The following DISP1 variants were observed in gnomAD, a reference collection of about 807,000 sequenced individuals.
The protein encoded by DISP1 is dispatched RND transporter family member 1, also known as protein dispatched homolog 1.
A neutral mutation model predicts 37.3 loss-of-function variants in DISP1; 30 were observed. That is an observed-to-expected ratio of 0.80 (90% CI 0.60 to 1.09). DISP1 has a LOEUF of 1.09. DISP1 is among the 50% of genes least tolerant of loss of function. The pLI, the probability that DISP1 is intolerant of heterozygous loss-of-function variation, is 0.00. For synonymous variants in DISP1, 634 were observed against 690.2 expected, an observed-to-expected ratio of 0.92 and a Z score of 1.28; for missense variants, 1,598 against 1,879.5, an observed-to-expected ratio of 0.85 and a Z score of 2.77.
intron 2 of DISP1, among the ~76,000 whole-genome samples, chr1:222,940,541 T>G (rs1674305196): frequency 6.6e-6 from 1 of 152,190 alleles, no homozygotes. Context: ...AGTCATTTGT[T>G]GTTATTAGAT....
At position 223,004,889 on chromosome 1, in the gene DISP1, C is replaced by G; in HGVS notation, c.3492C>G (p.Asp1164Glu). Residue 1164 changes from aspartate to glutamate, a missense_variant, in exon 9 of 9, where the codon GAC (aspartate) becomes GAG (glutamate). Transcript: ENST00000675850. The surrounding 1 kb of genome is among the most constrained non-coding windows in gnomAD (Gnocchi z 4.9). ...ATGCCTTGTCTACAAGTCCCAGTGACAAGGGACAAAGCAAAACACATACCA... is the reference window on the plus strand; with the variant it reads ...ATGCCTTGTCTACAAGTCCCAGTGAGAAGGGACAAAGCAAAACACATACCA... Reference protein sequence around the residue: ...FSHALSTSPSDKGQSKTHTIN... With the variant: ...FSHALSTSPSEKGQSKTHTIN... 1 of 1,609,262 alleles carries G rather than the reference C, an allele frequency of 6.2e-7. No individual in the cohort carries two copies. Among genetic ancestry groups the G allele is most frequent in the Non-Finnish European group, 8.5e-7 (1 of 1,179,978 alleles).
intron 2 of DISP1, among the ~76,000 whole-genome samples, chr1:222,931,685 CTTTTT>C: frequency 7.1e-6 from 1 of 140,634 alleles, no homozygotes; most frequent in Non-Finnish European, 1.6e-5. Flanking sequence ...CACCAGGAAT[CTTTTT>C]TTTTTTTTTT....
chr1:222,837,182 C>G (rs1667264504), intron 1 of DISP1: 2 of 395,882 alleles, frequency 5.1e-6, no homozygotes, highest in South Asian at 1.3e-4. Flanking sequence ...CCTGGATGCC[C>G]TCTTTTCTTT....
Position 223,005,334 on chromosome 1 carries a change from G to A in DISP1, c.3937G>A (p.Ala1313Thr). The change falls in exon 9 of 9, where the codon GCA (alanine) becomes ACA (threonine). Residue 1313 changes from alanine (A) to threonine (T), a missense_variant. Ala to Thr is a moderately conservative substitution (Grantham distance 58, BLOSUM62 0). Coordinates refer to ENST00000675850, the MANE Select transcript of DISP1 (RefSeq NM_001377229.1). ...SSFVQIQNGV[A>T]PLKATHQAVE... ...CTTTGTCCAGATCCAAAACGGCGTG[G>A]CACCTCTGAAGGCCACACACCAAGC... 1 of 1,613,564 alleles carries A rather than the reference G, an allele frequency of 6.2e-7. No homozygotes were observed. The highest frequency in any genetic ancestry group is 8.5e-7 in the Non-Finnish European group (1 of 1,180,020).
In DISP1 at chr1:222,994,972, A is replaced by G. The variant is rs1458347268; in HGVS notation, c.977A>G (p.Asp326Gly). ...GCAATTAAATCAATGTGCAATGTAG[A>G]TAATTCCAGGGTATGTAAGATAAAA... is the stretch of plus-strand genomic sequence containing the variant. ...LPAIKSMCNV[D>G]NSRIRSHPQF... Residue 326 changes from aspartate to glycine, a missense_variant, in exon 8 of 9, where the codon GAT (aspartate) becomes GGT (glycine). Coordinates refer to ENST00000675850, the MANE Select transcript of DISP1 (RefSeq NM_001377229.1). The G allele has an allele frequency of 1.2e-6, 2 of 1,611,798 alleles. No individual in the cohort carries two copies. The highest frequency in any genetic ancestry group is 1.1e-5 in the South Asian group (1 of 91,050).
At chr1:222,934,425 T>A (rs983501650) in intron 2 of DISP1, among the ~76,000 whole-genome samples, 2 of 152,098 alleles carry the variant, frequency 1.3e-5, no homozygotes, top group African/African-American at 4.8e-5. Flanking sequence ...CTGATTTGGC[T>A]TCTGCGTAGC....
intron 1 of DISP1, among the ~76,000 whole-genome samples, chr1:222,880,285 A>G (rs1670205533): frequency 2.0e-5 from 3 of 152,242 alleles, no homozygotes; most frequent in Admixed American, 6.5e-5. Flanking sequence ...GGAAATATAT[A>G]CATCAAGATG....
At chr1:222,956,028 AT>A (rs775396483) in intron 3 of DISP1, among the ~76,000 whole-genome samples, 2 of 152,222 alleles carry the variant, frequency 1.3e-5, no homozygotes, top group Non-Finnish European at 2.9e-5. Flanking sequence ...AATGTAAGCA[AT>A]TTACTGTTTC....
At position 223,002,880 on chromosome 1, in the gene DISP1, T is replaced by G; in HGVS notation, c.1483T>G (p.Leu495Val). The G allele has an allele frequency of 6.2e-7, 1 of 1,613,922 alleles. No individual in the cohort carries two copies. Among genetic ancestry groups the G allele is most frequent in the African/African-American group, 1.3e-5 (1 of 75,026 alleles). Residue 495 changes from leucine (L) to valine (V), a missense_variant, in exon 9 of 9, where the codon TTG becomes GTG. By Grantham distance (32) the Leu-to-Val change is conservative. Coordinates refer to ENST00000675850, the MANE Select transcript of DISP1 (RefSeq NM_001377229.1). ...TGIEFGIKHS[L>V]FQDYLLMDTV... ...GATTGAGTTTGGTATCAAACACAGT[T>G]TGTTTCAGGATTATCTTCTAATGGA...
Position 223,004,484 on chromosome 1 carries a change from G to A in DISP1, c.3087G>A (p.Leu1029=), listed in dbSNP as rs144193879. ...TTGTCACTGTTGGTTCTCTTGTCCT[G>A]CTGGGCTGGGAGCTCAATGTGTTGG... is the stretch of plus-strand genomic sequence containing the variant. ...TIFVTVGSLV[L]LGWELNVLES... The change falls in exon 9 of 9, where the codon CTG becomes CTA. Residue 1029 remains leucine (L), a synonymous_variant. Transcript: ENST00000675850. The surrounding 1 kb of genome is among the most constrained non-coding windows in gnomAD (Gnocchi z 4.9). 5.6e-5 allele frequency: 90 copies of A among 1,614,100 alleles called. No individual in the cohort carries two copies. Among genetic ancestry groups the A allele is most frequent in the Non-Finnish European group, 7.3e-5 (86 of 1,180,046 alleles).
intron 1 of DISP1, among the ~76,000 whole-genome samples, chr1:222,874,896 A>G (rs1046043888): frequency 5.3e-5 from 8 of 151,880 alleles, no homozygotes; most frequent in African/African-American, 1.2e-4. Context: ...GGTTTTATCT[A>G]TCTTTGGTCT....
At chr1:222,968,204 C>T (rs1676651952) in intron 3 of DISP1, among the ~76,000 whole-genome samples, 1 of 152,078 alleles carries the variant, frequency 6.6e-6, no homozygotes, top group Admixed American at 6.5e-5. Flanking sequence ...ACTTAGTTCC[C>T]ATTCTCAAAT....
chr1:222,816,101 AT>A (rs1186863484), intron 1 of DISP1, among the ~76,000 whole-genome samples: 3 of 129,070 alleles, frequency 2.3e-5, no homozygotes, highest in Non-Finnish European at 3.3e-5. Context: ...ATATATATAT[AT>A]AAATATTTGC....
rs1278873633 is a variant in DISP1 at position 222,984,429 on chromosome 1, T to A, written c.539+1320T>A. Among the ~76,000 whole-genome samples, 680 of 113,888 alleles carry A rather than the reference T, an allele frequency of 6.0e-3. 38 individuals carry two copies. The highest frequency in any genetic ancestry group is 0.025 in the African/African-American group (659 of 26,356). The allele number at this position is 113,888 out of a possible 152,430, so 74.7% of individuals were successfully genotyped here. ...AAAAAAAAAAAAAAAAAAATATATA[T>A]ATATATAGAGAGAGAGAGAGAGAGA... On this transcript the variant is annotated intron_variant, in intron 4 of 8. Coordinates refer to ENST00000675850, the MANE Select transcript of DISP1 (RefSeq NM_001377229.1).
intron 1 of DISP1, among the ~76,000 whole-genome samples, chr1:222,862,492 A>T (rs1297621361): frequency 6.6e-6 from 1 of 150,786 alleles, no homozygotes; most frequent in African/African-American, 2.4e-5. Context: ...TTTCTAATCC[A>T]GTTTGTTTTC....
intron 4 of DISP1, among the ~76,000 whole-genome samples, chr1:222,986,193 G>A (rs1261314036): frequency 6.6e-6 from 1 of 151,916 alleles, no homozygotes; most frequent in African/African-American, 2.4e-5. Context: ...TGGTCGGTGA[G>A]GAAAAGGAAG....
Position 223,003,347 on chromosome 1 carries a change from A to G in DISP1, c.1950A>G (p.Thr650=), listed in dbSNP as rs73130656. 1.2e-3 allele frequency: 1,941 copies of G among 1,614,144 alleles called. 15 individuals carry two copies. In the African/African-American group the frequency reaches 0.022, roughly 18 times the overall value. Residue 650 remains threonine (T), a synonymous_variant, in exon 9 of 9, where the codon ACA becomes ACG. Transcript: ENST00000675850. The surrounding 1 kb of genome is among the most constrained non-coding windows in gnomAD (Gnocchi z 4.3). ...AILVNYVLMV[T]WLPAVVVLHE... is the part of the protein sequence containing the mutation. ...TGGTGAATTACGTTTTGATGGTCAC[A>G]TGGCTTCCAGCAGTTGTTGTGCTGC...
chr1:223,004,349 C>T lies in DISP1; in HGVS notation c.2952C>T (p.Thr984=). ...YDLQDSLSDG[T]LIAMGLSVAV... The stretch of plus-strand genomic sequence containing the variant: ...TCCAGGATAGCCTCTCCGATGGCAC[C>T]CTCATTGCCATGGGGCTGTCAGTTG... Residue 984 remains threonine (T), a synonymous_variant, in exon 9 of 9, where the codon ACC becomes ACT. Coordinates refer to ENST00000675850, the MANE Select transcript of DISP1 (RefSeq NM_001377229.1). This position sits in a 1 kb window ranked among gnomAD's most constrained non-coding sequence, Gnocchi z 4.9. 6.2e-7 allele frequency: 1 copy of T among 1,614,182 alleles called. No homozygotes were observed. Among genetic ancestry groups the T allele is most frequent in the Non-Finnish European group, 8.5e-7 (1 of 1,180,034 alleles).
intron 1 of DISP1, among the ~76,000 whole-genome samples, chr1:222,846,383 C>T (rs1164230233): frequency 4.6e-5 from 7 of 152,036 alleles, no homozygotes; most frequent in African/African-American, 2.4e-5. Context: ...CCCAGGTACT[C>T]GGGAGGCTGA....
Sources: allele counts gnomAD v4.1 joint callset (sites outside exome capture counted in the v4.1 genomes callset), GRCh38; gene constraint gnomAD v4.1.1; non-coding constraint Gnocchi (gnomAD v3.1); transcripts MANE v1.5; gene names NCBI Gene and HGNC (gene_info 2026-07-23, HGNC 2026-07-21).